Variants in ZNF100 observed in about 807,000 individuals in gnomAD.
The protein encoded by ZNF100 is zinc finger protein 100.
A neutral mutation model predicts 15.8 loss-of-function variants in ZNF100; 12 were observed. The ratio of observed to expected loss-of-function variants is 0.76; its 90% confidence interval spans 0.49 to 1.23. ZNF100 has a LOEUF of 1.23. ZNF100 is among the 50% of genes most tolerant of loss of function. ZNF100 has a pLI of 0.00. For synonymous variants in ZNF100, 226 were observed against 214.8 expected, an observed-to-expected ratio of 1.05 and a Z score of -0.45; for missense variants, 670 against 635.6, an observed-to-expected ratio of 1.05 and a Z score of -0.58.
chr19:21,751,242 C>A lies in ZNF100; in HGVS notation c.97-6175G>T, dbSNP rs189354993. On this transcript the variant is annotated intron_variant, in intron 2 of 4. Coordinates refer to ENST00000358296, the MANE Select transcript of ZNF100 (RefSeq NM_173531.4). ...CAATATTTCTAGGTGACAGAACAGT[C>A]AGCCAGCCTAACCTTAGAACCACAG... is the stretch of plus-strand genomic sequence containing the variant. The A allele has an allele frequency of 1.2e-3, 1,473 of 1,234,660 alleles. 6 individuals are homozygous for A. The highest frequency in any genetic ancestry group is 7.9e-3 in the South Asian group (661 of 83,166). The allele number at this position is 1,234,660 out of a possible 1,614,324, so 76.5% of individuals were successfully genotyped here. A position where few individuals can be genotyped will look rare whatever the true frequency, so the allele number is the denominator to read the frequency against.
At chr19:21,744,189 A>C in intron 3 of ZNF100, 74 bp from the exon 4 acceptor site, 1 of 1,258,474 alleles carries the variant, frequency 7.9e-7, no homozygotes, top group Non-Finnish European at 1.1e-6. Context: ...CTTAGTAAAG[A>C]GGAGGTGATA....
chr19:21,735,502 A>G (rs1458644578), intron 4 of ZNF100, among the ~76,000 whole-genome samples: 6 of 10,386 alleles, frequency 5.8e-4, no homozygotes, highest in Non-Finnish European at 1.1e-3. Flanking sequence ...CTCTGTCTCA[A>G]AAAAAAAAAA....
intron 4 of ZNF100, among the ~76,000 whole-genome samples, chr19:21,735,028 C>T (rs1393228624): frequency 1.3e-5 from 2 of 152,140 alleles, no homozygotes; most frequent in Non-Finnish European, 2.9e-5. Flanking sequence ...ACTAGGCCTG[C>T]TTTGCAAGAG....
intron 4 of ZNF100, among the ~76,000 whole-genome samples, chr19:21,741,299 T>C (rs931785792): frequency 6.6e-6 from 1 of 152,178 alleles, no homozygotes; most frequent in Non-Finnish European, 1.5e-5. Flanking sequence ...AGTTTTAATT[T>C]CACAAGATGT....
rs760355161 is a variant in ZNF100, at chr19:21,767,403, G to C, written c.3+24C>G. 2.5e-6 allele frequency: 4 copies of C among 1,608,940 alleles called. No individual in the cohort carries two copies. In the African/African-American group the frequency reaches 5.3e-5, roughly 21 times the overall value. On this transcript the variant is annotated intron_variant, in intron 1 of 4. Coordinates refer to ENST00000358296, the MANE Select transcript of ZNF100 (RefSeq NM_173531.4). ...CAACCAGCCCTTTCGCCGTCTCTCG[G>C]GATGTCGGACCGGGCACTCTCACCA...
rs1367598333 is a variant in ZNF100, at chr19:21,724,513, CTTT to C, written c.*2167_*2169del. ...GGGATTTTATTATACTTCTACATAA[CTTT>C]TATTATGACCATAAAAATAACACTG... On this transcript the variant is annotated 3_prime_UTR_variant, in exon 5 of 5. Transcript: ENST00000358296. 2 of 152,070 alleles carry C rather than the reference CTTT, an allele frequency of 1.3e-5. No homozygotes were observed. The highest frequency in any genetic ancestry group is 4.8e-5 in the African/African-American group (2 of 41,410). 9.4% of individuals were successfully genotyped at this position (152,070 alleles called of 1,614,324 possible).
rs1296624275 is a variant in ZNF100, at chr19:21,727,985, T to C, written c.327A>G (p.Ile109Met). The C allele has an allele frequency of 2.0e-6, 3 of 1,513,158 alleles. No homozygotes were observed. Among genetic ancestry groups the C allele is most frequent in the Non-Finnish European group, 2.6e-6 (3 of 1,136,886 alleles). The allele number at this position is 1,513,158 out of a possible 1,614,324, so 93.7% of individuals were successfully genotyped here. The change falls in exon 5 of 5, where the codon ATA becomes ATG. Residue 109 changes from isoleucine (I) to methionine (M), a missense_variant. Coordinates refer to ENST00000358296, the MANE Select transcript of ZNF100 (RefSeq NM_173531.4). ...AAAGGTCTTGGGGAAAATGAGAACA[T>C]ATAACTGAAAGAAATAAAAATAACA... is the stretch of plus-strand genomic sequence containing the variant. The part of the protein sequence containing the change: ...RHEMVAKPPV[I>M]CSHFPQDLWA...
chr19:21,756,327 A>G (rs1418269340), intron 2 of ZNF100, among the ~76,000 whole-genome samples: 1 of 152,206 alleles, frequency 6.6e-6, no homozygotes, highest in Non-Finnish European at 1.5e-5. Context: ...CCTTCCCTCA[A>G]AACTCCTGTT....
At chr19:21,764,801 T>C (rs2036534160) in intron 2 of ZNF100, among the ~76,000 whole-genome samples, 1 of 152,018 alleles carries the variant, frequency 6.6e-6, no homozygotes, top group Non-Finnish European at 1.5e-5. Flanking sequence ...AACTCAAAAA[T>C]CAATGTAACA....
At chr19:21,751,320 G>C in intron 2 of ZNF100, 3 of 889,104 alleles carry the variant, frequency 3.4e-6, no homozygotes, top group Admixed American at 1.7e-5. Flanking sequence ...GATGCAAACA[G>C]ATCCCTGGAT....
chr19:21,735,231 C>T (rs1262363870), intron 4 of ZNF100, among the ~76,000 whole-genome samples: 1 of 152,092 alleles, frequency 6.6e-6, no homozygotes, highest in East Asian at 1.9e-4. Context: ...GGACTGAATG[C>T]TCCAATTAAT....
chr19:21,750,881 A>C, intron 2 of ZNF100: 1 of 571,184 alleles, frequency 1.8e-6, no homozygotes, highest in Non-Finnish European at 3.1e-6. Context: ...GTGTCCCCCC[A>C]GTACCAGCCT....
rs865998785 is a variant in ZNF100 at position 21,726,903 on chromosome 19, G to A, written c.1409C>T (p.Ser470Leu). 1 of 1,611,692 alleles carries A rather than the reference G, an allele frequency of 6.2e-7. No homozygotes were observed. Among genetic ancestry groups the A allele is most frequent in the Non-Finnish European group, 8.5e-7 (1 of 1,179,312 alleles). ...AATCATCTTATGTGCAGTTAGTTGT[G>A]AGGACCGGTTAAAGGCTTTGCCACA... ...DECGKAFNRS[S>L]QLTAHKMIHT... The change falls in exon 5 of 5, where the codon TCA becomes TTA. Residue 470 changes from serine (S) to leucine (L), a missense_variant. Transcript: ENST00000358296.
chr19:21,754,924 A>G (rs1246220578), intron 2 of ZNF100, among the ~76,000 whole-genome samples: 1 of 152,212 alleles, frequency 6.6e-6, no homozygotes, highest in African/African-American at 2.4e-5. Context: ...CAGAATTTAT[A>G]AGGAACTTAT....
At chr19:21,741,368 AATTATT>A (rs1043275170) in intron 4 of ZNF100, among the ~76,000 whole-genome samples, 1 of 151,880 alleles carries the variant, frequency 6.6e-6, no homozygotes, top group Non-Finnish European at 1.5e-5. Flanking sequence ...GCTAAAATGC[AATTATT>A]ATTATTATTA....
chr19:21,744,854 G>C, intron 3 of ZNF100, 87 bp downstream of exon 3: 1 of 1,558,124 alleles, frequency 6.4e-7, no homozygotes, highest in South Asian at 1.2e-5. Context: ...ACTCATTTAT[G>C]CAAAGCATGA....
In ZNF100 at chr19:21,727,501, T is replaced by A. The variant is rs760756338; in HGVS notation, c.811A>T (p.Asn271Tyr). Reference protein sequence around the residue: ...YKCEECGKAFNRSSHLTTHKI... With the variant: ...YKCEECGKAFYRSSHLTTHKI... Reference sequence around the variant, plus strand: ...TGTGTAGTAAGGTGTGAGGACCGGTTAAATGCTTTCCCACATTCTTCACAT... The same window carrying A: ...TGTGTAGTAAGGTGTGAGGACCGGTAAAATGCTTTCCCACATTCTTCACAT... The change falls in exon 5 of 5, where the codon AAC (asparagine) becomes TAC (tyrosine). Residue 271 changes from asparagine to tyrosine, a missense_variant. By Grantham distance (143) the Asn-to-Tyr change is moderately radical. Coordinates refer to ENST00000358296, the MANE Select transcript of ZNF100 (RefSeq NM_173531.4). 1.9e-6 allele frequency: 3 copies of A among 1,613,620 alleles called. No individual in the cohort carries two copies. The highest frequency in any genetic ancestry group is 2.5e-6 in the Non-Finnish European group (3 of 1,179,762).
chr19:21,755,344 C>T (rs917546316), intron 2 of ZNF100, among the ~76,000 whole-genome samples: 1 of 150,920 alleles, frequency 6.6e-6, no homozygotes, highest in Non-Finnish European at 1.5e-5. Flanking sequence ...AAAAGCTCAA[C>T]ATCACTGATC....
chr19:21,767,338 G>T, intron 1 of ZNF100, 89 bp downstream of exon 1: 1 of 1,603,456 alleles, frequency 6.2e-7, no homozygotes, highest in Non-Finnish European at 8.5e-7. Context: ...GCTGACTGCG[G>T]AGAGGCCTGA....
Sources: gnomAD v4.1 joint callset for allele counts (sites outside exome capture counted in the v4.1 genomes callset) on GRCh38, gnomAD v4.1.1 for gene constraint, MANE v1.5 for transcripts, NCBI Gene and HGNC (gene_info 2026-07-23, HGNC 2026-07-21) for gene names.